Variants in BRINP1 observed in about 807,000 individuals in gnomAD.
BRINP1 encodes BMP/retinoic acid inducible neural specific 1.
In BRINP1, 17 loss-of-function variants were observed where a neutral mutation model predicts 72.9. The observed-to-expected ratio is 0.23, with a 90% confidence interval of 0.16 to 0.35. The LOEUF is 0.35. Among genes scored for constraint, BRINP1 ranks in the 10% least tolerant of loss-of-function variants. BRINP1 has a pLI of 1.00. For synonymous variants in BRINP1, 418 were observed against 378.5 expected (o/e 1.10, Z -1.21); for missense variants, 850 against 1,001.6 (o/e 0.85, Z 2.04).
intron 1 of BRINP1, among the ~76,000 whole-genome samples, chr9:119,343,686 A>G (rs980340084): frequency 1.3e-5 from 2 of 152,228 alleles, no homozygotes; most frequent in African/African-American, 4.8e-5. Context: ...CCAATAAGTA[A>G]GTGATCCTTG....
intron 2 of BRINP1, among the ~76,000 whole-genome samples, chr9:119,267,820 A>C (rs1830563303): frequency 6.6e-6 from 1 of 152,172 alleles, no homozygotes; most frequent in Admixed American, 6.5e-5. Flanking sequence ...ATAGATAGAG[A>C]AGAGGCCGAA....
intron 2 of BRINP1, among the ~76,000 whole-genome samples, chr9:119,249,646 C>T (rs1830357376): frequency 6.6e-6 from 1 of 152,042 alleles, no homozygotes; most frequent in African/African-American, 2.4e-5. Context: ...ACCAAGTCCT[C>T]CATTGTCTTC....
At chr9:119,298,345 G>A (rs1588196174) in intron 2 of BRINP1, among the ~76,000 whole-genome samples, 2 of 152,094 alleles carry the variant, frequency 1.3e-5, no homozygotes, top group African/African-American at 4.8e-5. Context: ...GTTGGGGGCT[G>A]GGGGGCAGGT....
intron 2 of BRINP1, 104 bp from the exon 3 acceptor site, chr9:119,249,254 G>A: frequency 2.8e-6 from 3 of 1,082,970 alleles, no homozygotes; most frequent in Non-Finnish European, 3.9e-6. Context: ...GTGGGAAAGT[G>A]CCTACAATTT....
intron 1 of BRINP1, among the ~76,000 whole-genome samples, chr9:119,349,390 T>G (rs1437622060): frequency 6.6e-6 from 1 of 152,224 alleles, no homozygotes; most frequent in Non-Finnish European, 1.5e-5. Flanking sequence ...CCAGCCCCAT[T>G]CCCTGCACTG....
At chr9:119,211,429 T>C (rs1265358197) in intron 6 of BRINP1, among the ~76,000 whole-genome samples, 1 of 152,176 alleles carries the variant, frequency 6.6e-6, no homozygotes, top group Non-Finnish European at 1.5e-5. Context: ...ACTCCTGACC[T>C]CAGGTGATCC....
chr9:119,226,383 C>T (rs1158758211), intron 5 of BRINP1, among the ~76,000 whole-genome samples: 8 of 152,018 alleles, frequency 5.3e-5, no homozygotes. Context: ...GCCACATCAA[C>T]CATTTATCTC....
At chr9:119,255,781 C>G (rs1830439865) in intron 2 of BRINP1, among the ~76,000 whole-genome samples, 1 of 151,720 alleles carries the variant, frequency 6.6e-6, no homozygotes, top group Admixed American at 6.6e-5. Context: ...CAGTGAAACC[C>G]CATCTCTACT....
intron 7 of BRINP1, among the ~76,000 whole-genome samples, chr9:119,199,209 A>G (rs1442142272): frequency 2.6e-5 from 4 of 152,164 alleles, no homozygotes; most frequent in Admixed American, 2.6e-4. Flanking sequence ...CTTGAGTTCA[A>G]TAAAATATAA....
At chr9:119,242,025 C>G in intron 4 of BRINP1, 22 bp downstream of exon 4, 1 of 1,608,808 alleles carries the variant, frequency 6.2e-7, no homozygotes. Flanking sequence ...ACCTGTCGCC[C>G]AAATCCACCC....
chr9:119,199,740 T>C (rs972538929), intron 7 of BRINP1, among the ~76,000 whole-genome samples: 6 of 152,088 alleles, frequency 3.9e-5, no homozygotes, highest in Non-Finnish European at 7.4e-5. Flanking sequence ...AACACCTACT[T>C]GATGCTAGGA....
chr9:119,180,648 T>G (rs2118837826), intron 7 of BRINP1, among the ~76,000 whole-genome samples: 1 of 152,288 alleles, frequency 6.6e-6, no homozygotes, highest in South Asian at 2.1e-4. Flanking sequence ...TCAGACTCAC[T>G]CTGTTCACTA....
chr9:119,356,886 C>T (rs1831573346), intron 1 of BRINP1, among the ~76,000 whole-genome samples: 1 of 152,066 alleles, frequency 6.6e-6, no homozygotes, highest in African/African-American at 2.4e-5. Context: ...TAGATTTCCA[C>T]CAATGCTGTG....
chr9:119,254,705 A>G (rs1830427442), intron 2 of BRINP1, among the ~76,000 whole-genome samples: 1 of 152,216 alleles, frequency 6.6e-6, no homozygotes, highest in Admixed American at 6.5e-5. Flanking sequence ...CATTTTCTAT[A>G]AAGGTCCAGG....
intron 2 of BRINP1, among the ~76,000 whole-genome samples, chr9:119,269,186 C>T (rs1168892486): frequency 5.9e-5 from 9 of 152,168 alleles, no homozygotes; most frequent in Non-Finnish European, 1.3e-4. Context: ...CTCCTTGGCA[C>T]TCCCAAAGCA....
At chr9:119,358,067 C>A (rs1285196568) in intron 1 of BRINP1, among the ~76,000 whole-genome samples, 1 of 152,164 alleles carries the variant, frequency 6.6e-6, no homozygotes, top group African/African-American at 2.4e-5. Context: ...ATGTTCTCAT[C>A]TGGAAAATGG....
Position 119,242,078 on chromosome 9 carries a change from T to C in BRINP1, c.548A>G (p.His183Arg). The C allele has an allele frequency of 6.2e-7, 1 of 1,614,126 alleles. No individual in the cohort carries two copies. The highest frequency in any genetic ancestry group is 8.5e-7 in the Non-Finnish European group (1 of 1,180,028). ...VDRDGTMRRL[H>R]EIQISTGAIK... ...TGCTCCAGTTGATATCTGGATCTCA[T>C]GAAGCCTCCTCATGGTACCATCACG... The change falls in exon 4 of 8, where the codon CAT becomes CGT. Residue 183 changes from histidine (H) to arginine (R), a missense_variant. Coordinates refer to ENST00000265922, the MANE Select transcript of BRINP1 (RefSeq NM_014618.3).
intron 7 of BRINP1, among the ~76,000 whole-genome samples, chr9:119,184,947 CTT>C (rs1406094505): frequency 6.6e-6 from 1 of 152,142 alleles, no homozygotes; most frequent in Non-Finnish European, 1.5e-5. Flanking sequence ...TTTCCAAAGA[CTT>C]TTGCACACTG....
At chr9:119,320,670 G>A (rs1455104976) in intron 1 of BRINP1, among the ~76,000 whole-genome samples, 1 of 152,154 alleles carries the variant, frequency 6.6e-6, no homozygotes, top group Non-Finnish European at 1.5e-5. Context: ...GAGATGAATG[G>A]TGCAGATGCC....
Sources: allele counts gnomAD v4.1 joint callset (sites outside exome capture counted in the v4.1 genomes callset), GRCh38; gene constraint gnomAD v4.1.1; transcripts MANE v1.5; gene names NCBI Gene and HGNC (gene_info 2026-07-23, HGNC 2026-07-21).